PNPLA4: variants seen among roughly 807,000 people sequenced by gnomAD.
PNPLA4 encodes the protein patatin like domain 4, phospholipase and triacylglycerol lipase, also known as patatin-like phospholipase domain-containing protein 4.
Under a neutral mutation model 18.3 loss-of-function variants are expected in PNPLA4, and 15 were observed. The observed-to-expected ratio is 0.82, with a 90% CI of 0.55 to 1.26. The LOEUF (loss-of-function observed/expected upper bound fraction) is 1.26, where lower values mean the gene tolerates loss of function less well. PNPLA4 is among the 50% of genes most tolerant of loss of function. The pLI, the probability that PNPLA4 is intolerant of heterozygous loss-of-function variation, is 0.00. For missense variants in PNPLA4, 229 were observed against 196.8 expected (o/e 1.16, Z -0.98); for synonymous variants, 88 against 85.6 (o/e 1.03, Z -0.16).
chrX:7,910,249 C>A (rs371443576), intron 5 of PNPLA4, among the ~76,000 whole-genome samples: 13 of 111,137 alleles, frequency 1.2e-4, no homozygotes, highest in East Asian at 8.5e-4. Context: ...AGAAAAAATT[C>A]CAAAGCTCAG....
At chrX:7,921,277 A>G (rs1924206417) in intron 4 of PNPLA4, among the ~76,000 whole-genome samples, 1 of 111,574 alleles carries the variant, frequency 9.0e-6, no homozygotes, top group African/African-American at 3.3e-5. Flanking sequence ...CTCAAAACAA[A>G]AACAAAAACA....
rs370490518 is a variant in PNPLA4, at chrX:7,921,773, G to A, written c.351C>T (p.Asn117=). 48 of 1,205,055 alleles carry A rather than the reference G, an allele frequency of 4.0e-5. No homozygotes were observed. Among genetic ancestry groups the A allele is most frequent in the East Asian group, 2.4e-4 (8 of 33,740 alleles). Residue 117 remains asparagine, a synonymous_variant, in exon 4 of 7, where the codon AAC becomes AAT. Coordinates refer to ENST00000381042, the MANE Select transcript of PNPLA4 (RefSeq NM_004650.3). ...CTAAGTGATTTTCTCTGGTTTTGGC[G>A]TTGGTGATGGATACGTGCAGTCGGT... ...AQNRLHVSIT[N]AKTRENHLVS... is the part of the protein sequence containing the mutation.
Position 7,912,066 on chromosome X carries a change from T to C in PNPLA4, c.439A>G (p.Ile147Val). 8.3e-7 allele frequency: 1 copy of C among 1,206,745 alleles called. No individual in the cohort carries two copies. Among genetic ancestry groups the C allele is most frequent in the Non-Finnish European group, 1.1e-6 (1 of 891,679 alleles). ...KVLLASSFVP[I>V]YAGLKLVEYK... Reference sequence around the variant, plus strand: ...TCCACTAGCTTCAGTCCTGCATAAATGGGCACAAAACTGCTGGCTAGGAGG... The same window carrying C: ...TCCACTAGCTTCAGTCCTGCATAAACGGGCACAAAACTGCTGGCTAGGAGG... The change falls in exon 5 of 7, where the codon ATT becomes GTT. Residue 147 changes from isoleucine (I) to valine (V), a missense_variant. Coordinates refer to ENST00000381042, the MANE Select transcript of PNPLA4 (RefSeq NM_004650.3).
intron 4 of PNPLA4, among the ~76,000 whole-genome samples, chrX:7,915,086 G>T (rs1303250786): frequency 1.8e-5 from 2 of 111,271 alleles, no homozygotes; most frequent in Non-Finnish European, 3.8e-5. Context: ...CAGGCAAATA[G>T]AATTTCCTAA....
intron 6 of PNPLA4, among the ~76,000 whole-genome samples, chrX:7,901,400 A>G (rs1460904287): frequency 1.8e-5 from 2 of 111,157 alleles, no homozygotes; most frequent in Non-Finnish European, 3.8e-5. Context: ...TAGGCAACAC[A>G]GTGAGACTTT....
At chrX:7,903,460 C>T (rs1057417865) in intron 5 of PNPLA4, among the ~76,000 whole-genome samples, 11 of 110,129 alleles carry the variant, frequency 1.0e-4, no homozygotes, top group Admixed American at 1.9e-4. Context: ...CCACCATGCC[C>T]GGCTAATTTT....
chrX:7,923,118 C>G (rs1924286748), intron 2 of PNPLA4, among the ~76,000 whole-genome samples: 1 of 112,418 alleles, frequency 8.9e-6, no homozygotes, highest in South Asian at 3.7e-4. Flanking sequence ...CTCCTCTCCC[C>G]ACAAAGATGT....
chrX:7,925,608 G>A (rs1924367812), intron 2 of PNPLA4, among the ~76,000 whole-genome samples: 1 of 111,997 alleles, frequency 8.9e-6, no homozygotes, highest in Admixed American at 9.5e-5. Context: ...TCAAGGCCTT[G>A]AAAACAGGCC....
intron 5 of PNPLA4, among the ~76,000 whole-genome samples, chrX:7,910,066 T>C (rs1444600541): frequency 2.7e-5 from 3 of 111,998 alleles, no homozygotes; most frequent in Non-Finnish European, 5.6e-5. Context: ...AATATTCTAA[T>C]CTCCTAAGTG....
At chrX:7,902,753 AAAATG>A (rs1237089947) in intron 5 of PNPLA4, among the ~76,000 whole-genome samples, 4 of 111,829 alleles carry the variant, frequency 3.6e-5, no homozygotes, top group African/African-American at 1.3e-4. Context: ...CCCAAGGAAG[AAAATG>A]AAAGAGTCTT....
At chrX:7,912,432 T>C (rs1337284225) in intron 4 of PNPLA4, among the ~76,000 whole-genome samples, 2 of 112,235 alleles carry the variant, frequency 1.8e-5, no homozygotes, top group Non-Finnish European at 1.9e-5. Context: ...TTCCATCATA[T>C]ACTGTAAAAA....
rs1472971310 is a variant in PNPLA4 at position 7,898,661 on chromosome X, T to C, written c.*2025A>G. 1 of 111,945 alleles carries C rather than the reference T, an allele frequency of 8.9e-6. No individual in the cohort carries two copies. The highest frequency in any genetic ancestry group is 1.9e-5 in the Non-Finnish European group (1 of 53,234). The allele number at this position is 111,945 out of a possible 1,213,427, so 9.2% of individuals were successfully genotyped here. Reference sequence around the variant, plus strand: ...CTGATACGTCAATGATCTTACAGTATTTTTAAAGAAAAGTACCAACACCTG... The same window carrying C: ...CTGATACGTCAATGATCTTACAGTACTTTTAAAGAAAAGTACCAACACCTG... On this transcript the variant is annotated 3_prime_UTR_variant, in exon 7 of 7. Transcript: ENST00000381042.
intron 2 of PNPLA4, among the ~76,000 whole-genome samples, chrX:7,925,706 A>G (rs1205924384): frequency 8.9e-6 from 1 of 112,364 alleles, no homozygotes; most frequent in East Asian, 2.8e-4. Flanking sequence ...TAAAAACTCA[A>G]GAGTAATATA....
At position 7,926,037 on chromosome X, in the gene PNPLA4, T is replaced by C. The variant is rs1400836183; in HGVS notation, c.83A>G (p.His28Arg). Residue 28 changes from histidine (H) to arginine (R), a missense_variant, in exon 2 of 7, where the codon CAT (histidine) becomes CGT (arginine). Physicochemically the swap from His to Arg is conservative, Grantham distance 29. Coordinates refer to ENST00000381042, the MANE Select transcript of PNPLA4 (RefSeq NM_004650.3). ...GACATCCTTCACAAGTTTTTTGCCA[T>C]GTCTGCAAAGTGCAGATGCTGCCCC... ...HLGAASALCR[H>R]GKKLVKDVKA... 3.3e-6 allele frequency: 4 copies of C among 1,211,558 alleles called. No individual in the cohort carries two copies. Among genetic ancestry groups the C allele is most frequent in the South Asian group, 1.8e-5 (1 of 56,960 alleles).
Position 7,917,565 on chromosome X carries a change from T to C in PNPLA4, c.411+4148A>G, listed in dbSNP as rs1924082696. ...TGTTATTCGTTCATTATTTATGAAA[T>C]ATTAGCTCCATTCAGCATGCATAAA... On this transcript the variant is annotated intron_variant, in intron 4 of 6. Coordinates refer to ENST00000381042, the MANE Select transcript of PNPLA4 (RefSeq NM_004650.3). 3.6e-5 allele frequency among the ~76,000 whole-genome samples: 4 copies of C among 112,146 alleles called. No homozygotes were observed. In the Admixed American group the frequency reaches 3.8e-4, roughly 11 times the overall value.
At chrX:7,921,947 A>G in intron 3 of PNPLA4, 57 bp downstream of exon 3, 2 of 1,127,160 alleles carry the variant, frequency 1.8e-6, no homozygotes, top group Non-Finnish European at 2.4e-6. Flanking sequence ...AAGTTTGTAC[A>G]GAGAGTCGTC....
chrX:7,914,790 T>C (rs1288675132), intron 4 of PNPLA4, among the ~76,000 whole-genome samples: 13 of 111,946 alleles, frequency 1.2e-4, no homozygotes, highest in African/African-American at 4.2e-4. Flanking sequence ...GTTCACAAGT[T>C]AATGCTTGCA....
At chrX:7,903,759 G>C (rs1200015630) in intron 5 of PNPLA4, among the ~76,000 whole-genome samples, 5 of 111,907 alleles carry the variant, frequency 4.5e-5, no homozygotes, top group Non-Finnish European at 7.5e-5. Flanking sequence ...TTTGGTGGAG[G>C]AGAGAGTATA....
At chrX:7,905,720 C>T (rs777902211) in intron 5 of PNPLA4, among the ~76,000 whole-genome samples, 58 of 112,058 alleles carry the variant, frequency 5.2e-4, no homozygotes, top group South Asian at 1.1e-3. Flanking sequence ...ATATTCAGTT[C>T]CCTCATGTTA....
Sources: allele counts gnomAD v4.1 joint callset (sites outside exome capture counted in the v4.1 genomes callset), GRCh38; gene constraint gnomAD v4.1.1; transcripts MANE v1.5; gene names NCBI Gene and HGNC (gene_info 2026-07-23, HGNC 2026-07-21).